MTF1: variants seen among roughly 807,000 people sequenced by gnomAD.
MTF1 encodes metal regulatory transcription factor 1.
In MTF1, 22 loss-of-function variants were observed where a neutral mutation model predicts 70.4. The observed-to-expected ratio is 0.31, with a 90% CI of 0.22 to 0.45. MTF1 has a LOEUF of 0.45. Ranked by LOEUF, MTF1 falls within the 20% of genes least tolerant of loss-of-function variation. The pLI is 1.00. For synonymous variants in MTF1, 333 were observed against 352.8 expected, an observed-to-expected ratio of 0.94 and a Z score of 0.63; for missense variants, 649 against 922.0, an observed-to-expected ratio of 0.70 and a Z score of 3.83.
chr1:37,855,673 T>C (rs1309669342), intron 2 of MTF1, among the ~76,000 whole-genome samples: 2 of 152,128 alleles, frequency 1.3e-5, no homozygotes, highest in African/African-American at 4.8e-5. Context: ...AGTTCCTGGA[T>C]GGGCCGGGCA....
At chr1:37,832,563 T>C (rs77526379) in intron 6 of MTF1, among the ~76,000 whole-genome samples, 3,437 of 152,342 alleles carry the variant, frequency 0.023, 59 homozygotes, top group Non-Finnish European at 0.038. Context: ...ACATGTACTA[T>C]GCTGGCGCGC....
chr1:37,821,124 T>C (rs1471652408), intron 9 of MTF1, among the ~76,000 whole-genome samples: 1 of 151,786 alleles, frequency 6.6e-6, no homozygotes, highest in Non-Finnish European at 1.5e-5. Context: ...TGTAGTGAGC[T>C]GAGATCGCAC....
chr1:37,859,165 G>A (rs919456592), intron 1 of MTF1, among the ~76,000 whole-genome samples: 2 of 152,224 alleles, frequency 1.3e-5, no homozygotes, highest in African/African-American at 4.8e-5. Flanking sequence ...GCAACGCGGA[G>A]ACCAACTGTC....
Position 37,820,660 on chromosome 1 carries a change from A to G in MTF1, c.1767+1461T>C, listed in dbSNP as rs146316870. ...AAGTGAAGGACAAGGAATTTTAAAA[A>G]ATGTGAAACTATTCTGGATATTGCT... On this transcript the variant is annotated intron_variant, in intron 9 of 10. Coordinates refer to ENST00000373036, the MANE Select transcript of MTF1 (RefSeq NM_005955.3). Among the ~76,000 whole-genome samples, 925 of 152,356 alleles carry G rather than the reference A, an allele frequency of 6.1e-3. 10 individuals are homozygous for G. The highest frequency in any genetic ancestry group is 0.021 in the African/African-American group (870 of 41,576).
chr1:37,849,142 T>C (rs538920268), intron 2 of MTF1, among the ~76,000 whole-genome samples: 1 of 152,270 alleles, frequency 6.6e-6, no homozygotes, highest in East Asian at 1.9e-4. Context: ...AACATTGCTG[T>C]AGGCCAGGCG....
In MTF1 at chr1:37,815,606, C is replaced by A. The variant is rs1640808306; in HGVS notation, c.1832-40G>T. 3 of 1,473,380 alleles carry A rather than the reference C, an allele frequency of 2.0e-6. No homozygotes were observed. The East Asian group carries it at 6.8e-5, about 34-fold the overall frequency. The allele number at this position is 1,473,380 out of a possible 1,614,324, so 91.3% of individuals were successfully genotyped here. A position where few individuals can be genotyped will look rare whatever the true frequency, so the allele number is the denominator to read the frequency against. On this transcript the variant is annotated intron_variant, in intron 10 of 10. Coordinates refer to ENST00000373036, the MANE Select transcript of MTF1 (RefSeq NM_005955.3). The surrounding 1 kb of genome is among the most constrained non-coding windows in gnomAD (Gnocchi z 4.5). The stretch of plus-strand genomic sequence containing the variant: ...AGAGAGACTGCTCTTCAAGTAGCTG[C>A]AGGGGCAGGAGCATGAGGGACAGGG...
chr1:37,840,864 G>A lies in MTF1; in HGVS notation c.409-706C>T. ...TGCAGTGGAGGGCCTGGAATGGGAG[G>A]CCCAGCAGCTTCCTCAGAGACTTTG... On this transcript the variant is annotated intron_variant, in intron 2 of 10. Coordinates refer to ENST00000373036, the MANE Select transcript of MTF1 (RefSeq NM_005955.3). The surrounding 1 kb of genome is among the most constrained non-coding windows in gnomAD (Gnocchi z 4.5). The A allele has an allele frequency of 4.2e-6, 1 of 237,466 alleles. No homozygotes were observed. The highest frequency in any genetic ancestry group is 8.3e-6 in the Non-Finnish European group (1 of 120,352). 14.7% of individuals were successfully genotyped at this position (237,466 alleles called of 1,614,324 possible).
At chr1:37,835,954 C>A (rs1641162982) in intron 4 of MTF1, among the ~76,000 whole-genome samples, 1 of 152,034 alleles carries the variant, frequency 6.6e-6, no homozygotes, top group South Asian at 2.1e-4. Flanking sequence ...GTGCCCACCA[C>A]CACGCCCAGC....
In MTF1 at chr1:37,813,776, G is replaced by C. The variant is rs1431865023; in HGVS notation, c.*1360C>G. 1 of 152,526 alleles carries C rather than the reference G, an allele frequency of 6.6e-6. No individual in the cohort carries two copies. The highest frequency in any genetic ancestry group is 2.4e-5 in the African/African-American group (1 of 41,472). The allele number at this position is 152,526 out of a possible 1,614,324, so 9.4% of individuals were successfully genotyped here. A position where few individuals can be genotyped will look rare whatever the true frequency, so the allele number is the denominator to read the frequency against. On this transcript the variant is annotated 3_prime_UTR_variant, in exon 11 of 11. Transcript: ENST00000373036. ...CTGTTGAGGGAAACTTTTCATGCTA[G>C]TATGGATTGTATCTTTTATTTTAAG... is the stretch of plus-strand genomic sequence containing the variant.
At chr1:37,838,429 G>A (rs1258870836) in intron 4 of MTF1, among the ~76,000 whole-genome samples, 196 bp downstream of exon 4, 1 of 152,214 alleles carries the variant, frequency 6.6e-6, no homozygotes, top group Non-Finnish European at 1.5e-5. Context: ...ATCATCCACA[G>A]AGTAAGGATG....
chr1:37,823,164 G>A (rs955420932), intron 8 of MTF1, among the ~76,000 whole-genome samples: 18 of 152,168 alleles, frequency 1.2e-4, no homozygotes, highest in African/African-American at 3.9e-4. Flanking sequence ...GGCTGGGCAT[G>A]GTGGCTCACG....
intron 2 of MTF1, among the ~76,000 whole-genome samples, chr1:37,856,720 G>A (rs1176499346): frequency 6.6e-6 from 1 of 151,122 alleles, no homozygotes; most frequent in African/African-American, 2.4e-5. Context: ...GGCTGCTCTC[G>A]AACTCCTGAC....
Position 37,822,600 on chromosome 1 carries a change from G to A in MTF1, c.1288C>T (p.Pro430Ser). The A allele has an allele frequency of 6.2e-7, 1 of 1,613,982 alleles. No individual in the cohort carries two copies. The highest frequency in any genetic ancestry group is 8.5e-7 in the Non-Finnish European group (1 of 1,180,016). ...GAGGCAGGTAGTAGAGGCTGGGGTG[G>A]CTCGGAGAGGCCAGGTTGCAGTACA... is the stretch of plus-strand genomic sequence containing the variant. ...PLVLQPGLSE[P>S]PQPLLPASAP... Residue 430 changes from proline to serine, a missense_variant, in exon 9 of 11, where the codon CCA (proline) becomes TCA (serine). Coordinates refer to ENST00000373036, the MANE Select transcript of MTF1 (RefSeq NM_005955.3).
chr1:37,843,014 A>C (rs1312286977), intron 2 of MTF1, among the ~76,000 whole-genome samples: 1 of 152,060 alleles, frequency 6.6e-6, no homozygotes, highest in Non-Finnish European at 1.5e-5. Context: ...CTGAGTTGAT[A>C]AAGTCTTTTT....
At chr1:37,834,425 G>T (rs1468610154) in intron 6 of MTF1, among the ~76,000 whole-genome samples, 2 of 141,868 alleles carry the variant, frequency 1.4e-5, no homozygotes, top group African/African-American at 2.5e-5. Flanking sequence ...CGGGGGTGGG[G>T]GAAGGGAAAG....
chr1:37,850,888 A>T (rs1034150532), intron 2 of MTF1, among the ~76,000 whole-genome samples: 2 of 152,208 alleles, frequency 1.3e-5, no homozygotes, highest in African/African-American at 4.8e-5. Context: ...CCAACTAGTT[A>T]TCAAATGATT....
intron 1 of MTF1, 73 bp downstream of exon 1, chr1:37,859,458 T>C (rs556992740): frequency 5.0e-6 from 2 of 398,664 alleles, no homozygotes; most frequent in South Asian, 2.5e-4. Flanking sequence ...TGGGAAATGC[T>C]TCAGGAGGGA....
At chr1:37,816,732 C>T (rs757887445) in intron 10 of MTF1, among the ~76,000 whole-genome samples, 5 of 151,012 alleles carry the variant, frequency 3.3e-5, no homozygotes, top group Non-Finnish European at 5.9e-5. Flanking sequence ...GGTGGTGGAG[C>T]ATGCCTATGG....
intron 2 of MTF1, among the ~76,000 whole-genome samples, chr1:37,853,801 C>T (rs562218132): frequency 6.6e-6 from 1 of 152,326 alleles, no homozygotes; most frequent in South Asian, 2.1e-4. Context: ...CTCTCCTTCA[C>T]ATTTACCACA....
Sources: allele counts gnomAD v4.1 joint callset (sites outside exome capture counted in the v4.1 genomes callset), GRCh38; gene constraint gnomAD v4.1.1; non-coding constraint Gnocchi (gnomAD v3.1); transcripts MANE v1.5; gene names NCBI Gene and HGNC (gene_info 2026-07-23, HGNC 2026-07-21).